The following MALRD1 variants were observed in gnomAD, a reference collection of about 807,000 sequenced individuals.
The protein encoded by MALRD1 is MAM and LDL-receptor class A domain-containing protein 1.
In MALRD1, 247 loss-of-function variants were observed where a neutral mutation model predicts 242.1. The observed-to-expected ratio is 1.02, with a 90% confidence interval of 0.92 to 1.13. The LOEUF is 1.13. MALRD1 is among the 50% of genes most tolerant of loss of function. The pLI, the probability that MALRD1 is intolerant of heterozygous loss-of-function variation, is 0.00. For missense variants in MALRD1, 2,989 were observed against 2,533.1 expected, an observed-to-expected ratio of 1.18 and a Z score of -3.86; for synonymous variants, 995 against 866.6, an observed-to-expected ratio of 1.15 and a Z score of -2.60.
chr10:19,229,697 A>G (rs185313540), intron 18 of MALRD1, among the ~76,000 whole-genome samples: 3 of 152,298 alleles, frequency 2.0e-5, no homozygotes, highest in Middle Eastern at 6.8e-3. Flanking sequence ...AAAACAAACT[A>G]TAACAACAAC....
intron 5 of MALRD1, among the ~76,000 whole-genome samples, chr10:19,113,952 A>T (rs1306795695): frequency 6.6e-6 from 1 of 152,224 alleles, no homozygotes; most frequent in Admixed American, 6.5e-5. Flanking sequence ...ACAAGCACTT[A>T]ATAAATACAG....
chr10:19,373,216 A>T (rs1206348579), intron 26 of MALRD1, among the ~76,000 whole-genome samples: 2 of 143,086 alleles, frequency 1.4e-5, no homozygotes, highest in East Asian at 2.0e-4. Context: ...AAAAAAAAAA[A>T]AAAATAAGGG....
At chr10:19,140,533 GTGTGTGTGTA>G (rs1189686327) in intron 10 of MALRD1, among the ~76,000 whole-genome samples, 27 of 120,088 alleles carry the variant, frequency 2.2e-4, no homozygotes, top group African/African-American at 7.5e-4. Context: ...TGGGGTGTGT[GTGTGTGTGTA>G]TGTGTGTGTG....
At chr10:19,407,368 A>G (rs965281919) in intron 28 of MALRD1, among the ~76,000 whole-genome samples, 1 of 152,094 alleles carries the variant, frequency 6.6e-6, no homozygotes, top group South Asian at 2.1e-4. Flanking sequence ...TGTAGTCCCA[A>G]CAACTCAGGA....
intron 36 of MALRD1, among the ~76,000 whole-genome samples, chr10:19,687,822 C>A (rs912452352): frequency 6.6e-6 from 1 of 152,228 alleles, no homozygotes; most frequent in East Asian, 1.9e-4. Context: ...CTAAGCTTCC[C>A]TACCCAGATT....
intron 28 of MALRD1, among the ~76,000 whole-genome samples, chr10:19,411,706 C>A (rs1443424887): frequency 6.6e-6 from 1 of 152,102 alleles, no homozygotes; most frequent in Non-Finnish European, 1.5e-5. Context: ...TTTACTAATT[C>A]CACACACAGC....
intron 8 of MALRD1, among the ~76,000 whole-genome samples, chr10:19,131,450 C>A (rs1833101711): frequency 6.6e-6 from 1 of 152,070 alleles, no homozygotes; most frequent in Admixed American, 6.6e-5. Context: ...TACCATCTAA[C>A]CATTATTGGG....
intron 5 of MALRD1, among the ~76,000 whole-genome samples, chr10:19,119,751 G>T (rs1836997276): frequency 6.6e-6 from 1 of 152,084 alleles, no homozygotes; most frequent in Non-Finnish European, 1.5e-5. Flanking sequence ...TCCTACAAAG[G>T]CAGTCTAGTC....
intron 19 of MALRD1, among the ~76,000 whole-genome samples, chr10:19,279,514 C>G (rs1036196770): frequency 3.9e-5 from 6 of 152,164 alleles, no homozygotes; most frequent in Admixed American, 3.3e-4. Context: ...TAAATGTCTT[C>G]CATCCTCAGT....
chr10:19,122,690 A>G (rs912059662), intron 5 of MALRD1, among the ~76,000 whole-genome samples: 2 of 152,058 alleles, frequency 1.3e-5, no homozygotes, highest in Non-Finnish European at 2.9e-5. Context: ...TTCAAGTCTT[A>G]TATTGGGGGG....
intron 18 of MALRD1, among the ~76,000 whole-genome samples, chr10:19,236,856 T>A (rs1206517645): frequency 2.0e-5 from 3 of 152,108 alleles, no homozygotes; most frequent in Non-Finnish European, 4.4e-5. Context: ...ATAGCTAGGA[T>A]TCTTTCAAAA....
chr10:19,482,943 T>C (rs568166068), intron 29 of MALRD1, among the ~76,000 whole-genome samples: 7 of 151,908 alleles, frequency 4.6e-5, no homozygotes, highest in African/African-American at 1.4e-4. Flanking sequence ...GAAAACACTA[T>C]CCTAAAATCC....
intron 21 of MALRD1, among the ~76,000 whole-genome samples, chr10:19,310,060 C>G (rs575863623): frequency 6.6e-6 from 1 of 151,534 alleles, no homozygotes; most frequent in South Asian, 2.1e-4. Flanking sequence ...TCTTTCCTCT[C>G]ACTTTCCAAT....
At chr10:19,110,232 G>C (rs779165815) in intron 5 of MALRD1, among the ~76,000 whole-genome samples, 1 of 152,062 alleles carries the variant, frequency 6.6e-6, no homozygotes, top group African/African-American at 2.4e-5. Flanking sequence ...ACTCCAGTCC[G>C]TGCTTGGGTT....
intron 4 of MALRD1, among the ~76,000 whole-genome samples, chr10:19,103,522 G>C (rs896076414): frequency 6.8e-6 from 1 of 147,554 alleles, no homozygotes; most frequent in Non-Finnish European, 1.5e-5. Flanking sequence ...ACTGCACTCC[G>C]GCCTGGGTGA....
At chr10:19,603,788 T>C (rs1159587031) in intron 34 of MALRD1, among the ~76,000 whole-genome samples, 1 of 152,168 alleles carries the variant, frequency 6.6e-6, no homozygotes, top group African/African-American at 2.4e-5. Flanking sequence ...ATGTCTGTTA[T>C]GGTGATCTGT....
chr10:19,574,816 A>C (rs977825311), intron 33 of MALRD1, among the ~76,000 whole-genome samples: 4 of 152,202 alleles, frequency 2.6e-5, no homozygotes, highest in African/African-American at 9.6e-5. Context: ...GGAGAGGAGA[A>C]AGTTCAGAGA....
chr10:19,185,197 A>AAT, intron 14 of MALRD1, among the ~76,000 whole-genome samples: 1 of 152,368 alleles, frequency 6.6e-6, no homozygotes, highest in Admixed American at 6.5e-5. Context: ...GGACATATAT[A>AAT]AACTATTTTG....
At chr10:19,202,163 TC>T (rs1836567522) in intron 14 of MALRD1, among the ~76,000 whole-genome samples, 1 of 152,126 alleles carries the variant, frequency 6.6e-6, no homozygotes, top group African/African-American at 2.4e-5. Context: ...TTCGCTTGTT[TC>T]TAATTGTCTT....
Sources: allele counts gnomAD v4.1 joint callset (sites outside exome capture counted in the v4.1 genomes callset), GRCh38; gene constraint gnomAD v4.1.1; transcripts MANE v1.5; gene names NCBI Gene and HGNC (gene_info 2026-07-23, HGNC 2026-07-21).